TUBGCP2: variants seen among roughly 807,000 people sequenced by gnomAD.
TUBGCP2 encodes the protein tubulin gamma complex component 2.
A neutral mutation model predicts 92.2 loss-of-function variants in TUBGCP2; 55 were observed. The observed-to-expected ratio is 0.60, with a 90% CI of 0.48 to 0.75. TUBGCP2 has a LOEUF of 0.75. Ranked by LOEUF, TUBGCP2 falls within the 30% of genes least tolerant of loss-of-function variation. TUBGCP2 has a pLI of 0.00. For synonymous variants in TUBGCP2, 533 were observed against 505.2 expected (o/e 1.06, Z -0.74); for missense variants, 1,093 against 1,188.9 (o/e 0.92, Z 1.19).
chr10:133,304,614 C>G (rs548118003), intron 1 of TUBGCP2, among the ~76,000 whole-genome samples: 62 of 152,128 alleles, frequency 4.1e-4, no homozygotes, highest in Middle Eastern at 3.4e-3. Flanking sequence ...ACCCAGGTGC[C>G]GAGGCAAGAG....
chr10:133,281,233 T>C, intron 17 of TUBGCP2, 40 bp downstream of exon 17: 2 of 1,600,212 alleles, frequency 1.2e-6, no homozygotes, highest in South Asian at 1.1e-5. Context: ...GGCGCTGGAC[T>C]GAGCTGAGGA....
chr10:133,312,239 T>A, upstream of TUBGCP2: 1 of 1,358,314 alleles, frequency 7.4e-7, no homozygotes, highest in South Asian at 1.6e-5. Context: ...TCTGCCTTCC[T>A]AGCATGACCT....
Position 133,289,906 on chromosome 10 carries a change from CTT to C in TUBGCP2, c.1276_1277del (p.Lys426ValfsTer40). The stretch of plus-strand genomic sequence containing the variant: ...CGATGGTGTACCGCTGGTCCCAGTA[CTT>C]GTCGTTGTAATCCTCCTGGATCCTC... ...KERIQEDYND[K>X]YWDQRYTIVQ... On this transcript the variant is annotated frameshift_variant, in exon 9 of 18. Coordinates refer to ENST00000252936, the MANE Select transcript of TUBGCP2 (RefSeq NM_006659.4). LOFTEE classifies it high-confidence loss of function. 6.2e-7 allele frequency: 1 copy of C among 1,600,602 alleles called. No individual in the cohort carries two copies. The highest frequency in any genetic ancestry group is 2.2e-5 in the East Asian group (1 of 44,524).
intron 11 of TUBGCP2, among the ~76,000 whole-genome samples, chr10:133,287,601 G>C (rs1488027861): frequency 6.8e-6 from 1 of 147,462 alleles, no homozygotes; most frequent in East Asian, 2.0e-4. Context: ...AATTAGCTGG[G>C]CGTGGTGGCG....
rs267602423 is a variant in TUBGCP2, at chr10:133,293,627, G to C, written c.759C>G (p.Asp253Glu). 6.4e-7 allele frequency: 1 copy of C among 1,571,818 alleles called. No individual in the cohort carries two copies. ...SRTFLVDPNLDLSIRELVHRI... is the reference protein window; with the variant it reads ...SRTFLVDPNLELSIRELVHRI... ...TGTGCACCAGCTCCCTGATGGACAG[G>C]TCCAGGTTGGGGTCCACGAGGAAGG... The change falls in exon 6 of 18, where the codon GAC becomes GAG. Residue 253 changes from aspartate to glutamate, a missense_variant. Physicochemically the swap from Asp to Glu is conservative, Grantham distance 45. Transcript: ENST00000252936.
In TUBGCP2 at chr10:133,285,848, G is replaced by T. The variant is rs1345423097; in HGVS notation, c.1723-220C>A. Among the ~76,000 whole-genome samples the T allele has an allele frequency of 6.6e-6, 1 of 152,006 alleles. No homozygotes were observed. The highest frequency in any genetic ancestry group is 1.5e-5 in the Non-Finnish European group (1 of 68,010). ...AGAACAAAACAACAAAAATTCAGAT[G>T]AATTACTTTGTAAATACCCACTGCT... On this transcript the variant is annotated intron_variant, in intron 11 of 17. Coordinates refer to ENST00000252936, the MANE Select transcript of TUBGCP2 (RefSeq NM_006659.4). This position sits in a 1 kb window ranked among gnomAD's most constrained non-coding sequence, Gnocchi z 6.8.
At position 133,298,127 on chromosome 10, in the gene TUBGCP2, TA is replaced by T. The variant is rs1847533649; in HGVS notation, c.457-17del. The T allele has an allele frequency of 1.9e-6, 3 of 1,608,872 alleles. No homozygotes were observed. The African/African-American group carries it at 4.0e-5, about 22-fold the overall frequency. On this transcript the variant is annotated splice_polypyrimidine_tract_variant and intron_variant, in intron 4 of 17. Transcript: ENST00000252936. Reference sequence around the variant, plus strand: ...GTTCCAGAGACTAGCAAGGACATTTTAAAAAACAAAACCAGAAAGATACACT... The same window carrying T: ...GTTCCAGAGACTAGCAAGGACATTTTAAAAACAAAACCAGAAAGATACACT...
At chr10:133,294,542 A>C (rs1847445431) in intron 5 of TUBGCP2, among the ~76,000 whole-genome samples, 1 of 151,812 alleles carries the variant, frequency 6.6e-6, no homozygotes, top group Middle Eastern at 3.2e-3. Flanking sequence ...TCAAGACTAC[A>C]ATCCGTCACC....
chr10:133,291,252 AT>A (rs1847284821), intron 8 of TUBGCP2, among the ~76,000 whole-genome samples: 1 of 65,230 alleles, frequency 1.5e-5, no homozygotes, highest in Non-Finnish European at 2.4e-5. Context: ...CGTGTCCCCC[AT>A]GTCCCTCCGT....
At chr10:133,300,282 T>G in intron 2 of TUBGCP2, 169 bp from the exon 3 acceptor site, 1 of 833,158 alleles carries the variant, frequency 1.2e-6, no homozygotes, top group Non-Finnish European at 1.8e-6. Context: ...TGTGTTAAAC[T>G]TATCCATGTT....
At chr10:133,309,611 TC>T, upstream of TUBGCP2, 1 of 1,268,768 alleles carries the variant, frequency 7.9e-7, no homozygotes, top group Non-Finnish European at 1.1e-6. Flanking sequence ...GGCCGACTCT[TC>T]CACCACCTAG....
chr10:133,295,835 G>A (rs1847475892), intron 5 of TUBGCP2: 1 of 152,532 alleles, frequency 6.6e-6, no homozygotes, highest in Non-Finnish European at 1.5e-5. Flanking sequence ...GTCCCGTGGT[G>A]TGGCACTGGT....
At chr10:133,304,234 G>A (rs916372273) in intron 1 of TUBGCP2, among the ~76,000 whole-genome samples, 5 of 152,178 alleles carry the variant, frequency 3.3e-5, no homozygotes, top group African/African-American at 1.2e-4. Flanking sequence ...GGGAGGCTGA[G>A]GTGGGAGGAT....
rs2275718 is a variant in TUBGCP2, at chr10:133,278,737, C to G, written c.*1029G>C. The G allele has an allele frequency of 6.6e-6, 1 of 152,054 alleles. No homozygotes were observed. Among genetic ancestry groups the G allele is most frequent in the Admixed American group, 6.6e-5 (1 of 15,234 alleles). The allele number at this position is 152,054 out of a possible 1,614,324, so 9.4% of individuals were successfully genotyped here. On this transcript the variant is annotated 3_prime_UTR_variant, in exon 18 of 18. Coordinates refer to ENST00000252936, the MANE Select transcript of TUBGCP2 (RefSeq NM_006659.4). ...GTTGGACACCCCCACCCCCACTCGG[C>G]GGTGCTCTCAGTGAGGCAGCCCCGG...
chr10:133,292,740 T>C, intron 7 of TUBGCP2, 52 bp from the exon 8 acceptor site: 3 of 1,563,422 alleles, frequency 1.9e-6, no homozygotes. Flanking sequence ...ACGCCCAGCC[T>C]CTGCCAACAA....
At chr10:133,307,918 C>A (rs568384001) in intron 1 of TUBGCP2, among the ~76,000 whole-genome samples, 2 of 152,318 alleles carry the variant, frequency 1.3e-5, no homozygotes, top group African/African-American at 4.8e-5. Context: ...CACTAGACAA[C>A]TGTAACACAG....
Position 133,307,160 on chromosome 10 carries a change from C to T in TUBGCP2, c.-40+1663G>A, listed in dbSNP as rs542350873. Among the ~76,000 whole-genome samples the T allele has an allele frequency of 9.6e-4, 146 of 152,366 alleles. 1 individual carries two copies. Among genetic ancestry groups the T allele is most frequent in the Non-Finnish European group, 1.7e-3 (119 of 68,038 alleles). On this transcript the variant is annotated intron_variant, in intron 1 of 17. Transcript: ENST00000252936. ...CCGTGGCTGCTTCTTGGAGGAACGT[C>T]TAGCCATGGCCGCTGACTTGGCCTT...
Position 133,292,056 on chromosome 10 carries a change from ATGTCCCTCCGTGTCCCCCG to A in TUBGCP2, c.1214+424_1214+442del, listed in dbSNP as rs1291239744. On this transcript the variant is annotated intron_variant, in intron 8 of 17. Coordinates refer to ENST00000252936, the MANE Select transcript of TUBGCP2 (RefSeq NM_006659.4). ...CCCTCCGTGTCCCTCCGTGTCCCCC[ATGTCCCTCCGTGTCCCCCG>A]TGTCCCTCCGTGTCCCTCCGTGTCC... 2.3e-3 allele frequency among the ~76,000 whole-genome samples: 11 copies of A among 4,732 alleles called. 4 individuals carry two copies. The highest frequency in any genetic ancestry group is 4.6e-3 in the Non-Finnish European group (11 of 2,388). 3.1% of individuals were successfully genotyped at this position (4,732 alleles called of 152,430 possible). A position where few individuals can be genotyped will look rare whatever the true frequency, so the allele number is the denominator to read the frequency against.
rs527377653 is a variant in TUBGCP2 at position 133,292,930 on chromosome 10, T to G, written c.1024+109A>C. Reference sequence around the variant, plus strand: ...AACATGAGCTTTGGCCACACGCCCCTGCCCTGGGCAGCTGCTCCACGGCCC... The same window carrying G: ...AACATGAGCTTTGGCCACACGCCCCGGCCCTGGGCAGCTGCTCCACGGCCC... On this transcript the variant is annotated intron_variant, in intron 7 of 17. Transcript: ENST00000252936. The G allele has an allele frequency of 2.0e-5, 27 of 1,318,248 alleles. No homozygotes were observed. In the East Asian group the frequency reaches 5.7e-4, roughly 28 times the overall value. The allele number at this position is 1,318,248 out of a possible 1,614,324, so 81.7% of individuals were successfully genotyped here.
Sources: allele counts gnomAD v4.1 joint callset (sites outside exome capture counted in the v4.1 genomes callset), GRCh38; gene constraint gnomAD v4.1.1; non-coding constraint Gnocchi (gnomAD v3.1); transcripts MANE v1.5; gene names NCBI Gene and HGNC (gene_info 2026-07-23, HGNC 2026-07-21).